Variants in NBEA observed in about 807,000 individuals in gnomAD.
NBEA encodes the protein lysosomal-trafficking regulator 2.
A neutral mutation model predicts 343.4 loss-of-function variants in NBEA; 44 were observed. The ratio of observed to expected loss-of-function variants is 0.13; its 90% CI spans 0.10 to 0.16. NBEA has a LOEUF of 0.16. Ranked by LOEUF, NBEA falls within the 10% of genes least tolerant of loss-of-function variation. The pLI, the probability that NBEA is intolerant of heterozygous loss-of-function variation, is 1.00. For missense variants in NBEA, 2,555 were observed against 3,631.3 expected (o/e 0.70, Z 7.62); for synonymous variants, 1,175 against 1,238.7 (o/e 0.95, Z 1.08).
chr13:35,475,924 G>A, intron 41 of NBEA: 2 of 1,614,146 alleles, frequency 1.2e-6, no homozygotes, highest in Non-Finnish European at 1.7e-6. Flanking sequence ...TTCAAATTCG[G>A]TGGGGGAGAT....
chr13:35,060,486 A>G (rs1001694559), intron 8 of NBEA, among the ~76,000 whole-genome samples: 2 of 151,780 alleles, frequency 1.3e-5, no homozygotes, highest in Non-Finnish European at 2.9e-5. Context: ...ATCCTAACAC[A>G]CAGTAGAGTA....
chr13:35,190,747 A>G (rs61947434), intron 30 of NBEA, among the ~76,000 whole-genome samples: 1,583 of 152,282 alleles, frequency 0.01, 20 homozygotes, highest in Non-Finnish European at 0.015. Context: ...AAGAAATAGG[A>G]AAGTATGGTC....
At chr13:35,482,120 G>A (rs2076141856) in intron 41 of NBEA, among the ~76,000 whole-genome samples, 1 of 151,260 alleles carries the variant, frequency 6.6e-6, no homozygotes, top group Non-Finnish European at 1.5e-5. Flanking sequence ...TAGTTTTGGA[G>A]CTTATTTTTT....
chr13:35,287,827 T>C (rs1385627682), intron 34 of NBEA, among the ~76,000 whole-genome samples: 1 of 151,912 alleles, frequency 6.6e-6, no homozygotes, highest in Non-Finnish European at 1.5e-5. Context: ...ATGACACACC[T>C]TTGGCTAGCC....
chr13:35,611,355 A>G (rs1240674544), intron 48 of NBEA, among the ~76,000 whole-genome samples: 2 of 152,252 alleles, frequency 1.3e-5, no homozygotes, highest in African/African-American at 4.8e-5. Flanking sequence ...CTAGTTAGCC[A>G]TAAAAAAGAA....
At chr13:35,085,300 A>G (rs1316900074) in intron 10 of NBEA, among the ~76,000 whole-genome samples, 2 of 152,138 alleles carry the variant, frequency 1.3e-5, no homozygotes, top group Non-Finnish European at 2.9e-5. Flanking sequence ...TTTTAGACCA[A>G]TATCCCTGAT....
chr13:35,444,291 T>C (rs895552985), intron 39 of NBEA, among the ~76,000 whole-genome samples: 30 of 152,030 alleles, frequency 2.0e-4, no homozygotes, highest in Admixed American at 6.6e-5. Flanking sequence ...TTTTTCCTTT[T>C]AGTGGAAATT....
intron 1 of NBEA, among the ~76,000 whole-genome samples, chr13:34,954,120 C>A (rs1442937695): frequency 1.3e-5 from 2 of 152,114 alleles, no homozygotes; most frequent in Non-Finnish European, 2.9e-5. Flanking sequence ...ATTTACATAG[C>A]ATTTACATTG....
chr13:35,058,634 C>A, intron 7 of NBEA, 83 bp from the exon 8 acceptor site: 1 of 1,020,068 alleles, frequency 9.8e-7, no homozygotes, highest in Non-Finnish European at 1.5e-6. Context: ...TTAAAATATT[C>A]ATGATAATGA....
At position 35,649,547 on chromosome 13, in the gene NBEA, T is replaced by C. The variant is rs1000536489; in HGVS notation, c.7771-108T>C. 14 of 896,912 alleles carry C rather than the reference T, an allele frequency of 1.6e-5. No individual in the cohort carries two copies. The African/African-American group carries it at 2.0e-4, about 13-fold the overall frequency. 55.6% of individuals were successfully genotyped at this position (896,912 alleles called of 1,614,324 possible). On this transcript the variant is annotated intron_variant, in intron 51 of 58. Transcript: ENST00000379939. ...AAGTTTAGGTGGCTTTTCCTCCTTG[T>C]GTGTGCTCGTGCTAGCCTTGTCTGT...
chr13:35,575,306 A>G (rs562537152), intron 45 of NBEA, among the ~76,000 whole-genome samples: 1 of 152,338 alleles, frequency 6.6e-6, no homozygotes, highest in South Asian at 2.1e-4. Flanking sequence ...TAAAATTGCA[A>G]AGGGAATGTT....
Position 35,159,903 on chromosome 13 carries a change from T to C in NBEA, c.3732T>C (p.Thr1244=), listed in dbSNP as rs1319583942. The C allele has an allele frequency of 6.3e-7, 1 of 1,598,418 alleles. No homozygotes were observed. Among genetic ancestry groups the C allele is most frequent in the Non-Finnish European group, 8.5e-7 (1 of 1,171,698 alleles). The change falls in exon 22 of 59, where the codon ACT becomes ACC. Residue 1244 remains threonine (T), a synonymous_variant. Transcript: ENST00000379939. ...AAATGACTGCTACAACTCTGGAAAC[T>C]GAGTCTTCTAGTAGCAAAATTGTAC... The part of the protein sequence containing the change: ...YAEMTATTLE[T]ESSSSKIVPN...
At chr13:35,482,223 A>G in intron 41 of NBEA, among the ~76,000 whole-genome samples, 1 of 151,716 alleles carries the variant, frequency 6.6e-6, no homozygotes, top group East Asian at 1.9e-4. Flanking sequence ...CATAAAATAG[A>G]AAACGATTAC....
At chr13:35,553,778 T>A (rs1177672465) in intron 43 of NBEA, among the ~76,000 whole-genome samples, 1 of 152,294 alleles carries the variant, frequency 6.6e-6, no homozygotes, top group African/African-American at 2.4e-5. Flanking sequence ...CAGTGAATTC[T>A]CAGGGGTGCT....
At chr13:35,389,953 G>T in intron 38 of NBEA, among the ~76,000 whole-genome samples, 1 of 102,752 alleles carries the variant, frequency 9.7e-6, no homozygotes, top group South Asian at 3.2e-4. Flanking sequence ...CATTTCTATG[G>T]TTTATGTCTT....
intron 41 of NBEA, among the ~76,000 whole-genome samples, chr13:35,519,007 G>A (rs574589439): frequency 8.5e-5 from 13 of 152,246 alleles, no homozygotes; most frequent in Non-Finnish European, 1.5e-4. Flanking sequence ...TTGATGCTTC[G>A]TTGTGAAAGG....
At chr13:35,080,396 T>C (rs1044419062) in intron 10 of NBEA, among the ~76,000 whole-genome samples, 20 of 152,092 alleles carry the variant, frequency 1.3e-4, no homozygotes, top group African/African-American at 4.6e-4. Flanking sequence ...TTGAGTGGGG[T>C]CTTACGTATC....
intron 41 of NBEA, among the ~76,000 whole-genome samples, chr13:35,541,000 A>G (rs2078795451): frequency 6.6e-6 from 1 of 152,024 alleles, no homozygotes. Flanking sequence ...TCATTGTCTC[A>G]CCTCTTTCTT....
intron 42 of NBEA, 63 bp downstream of exon 42, chr13:35,550,657 G>T (rs1335352359): frequency 3.0e-6 from 3 of 989,156 alleles, no homozygotes; most frequent in African/African-American, 1.6e-5. Flanking sequence ...CATTTACATG[G>T]TATGATAATG....
Sources: allele counts gnomAD v4.1 joint callset (sites outside exome capture counted in the v4.1 genomes callset), GRCh38; gene constraint gnomAD v4.1.1; transcripts MANE v1.5; gene names NCBI Gene and HGNC (gene_info 2026-07-23, HGNC 2026-07-21).